Variants in ALDH18A1 observed in about 807,000 individuals in gnomAD.
The protein encoded by ALDH18A1 is delta-1-pyrroline-5-carboxylate synthase.
A neutral mutation model predicts 88.8 loss-of-function variants in ALDH18A1; 44 were observed. That is an observed-to-expected ratio of 0.50 (90% CI 0.39 to 0.64). The LOEUF is 0.64. ALDH18A1 is among the 30% of genes least tolerant of loss of function. The pLI is 0.00. For synonymous variants in ALDH18A1, 331 were observed against 372.1 expected (o/e 0.89, Z 1.27); for missense variants, 782 against 1,009.5 (o/e 0.77, Z 3.05).
Position 95,616,597 on chromosome 10 carries a change from G to T in ALDH18A1, c.1485C>A (p.Ile495=), listed in dbSNP as rs777125038. The T allele has an allele frequency of 6.2e-6, 10 of 1,606,850 alleles. No homozygotes were observed. Among genetic ancestry groups the T allele is most frequent in the Non-Finnish European group, 8.5e-6 (10 of 1,176,824 alleles). Residue 495 remains isoleucine (I), a synonymous_variant, in exon 13 of 18, where the codon ATC becomes ATA. Transcript: ENST00000371224. Reference sequence around the variant, plus strand: ...TGAGTAACAAGCCATTGCCACTTGCGATAGCCAAAGCTGCCACCTGCAGAT... The same window carrying T: ...TGAGTAACAAGCCATTGCCACTTGCTATAGCCAAAGCTGCCACCTGCAGAT... ...DCLPQVAALA[I]ASGNGLLLKG...
At position 95,623,415 on chromosome 10, in the gene ALDH18A1, C is replaced by CT. The variant is rs1287365163; in HGVS notation, c.1246+1946dup. On this transcript the variant is annotated intron_variant, in intron 11 of 17. Coordinates refer to ENST00000371224, the MANE Select transcript of ALDH18A1 (RefSeq NM_002860.4). ...GAGCTATTTTCTTTTCTTTCTTTTTCTTTTTTTTTTGAGATGAAGTCTTGC... is the reference window on the plus strand; with the variant it reads ...GAGCTATTTTCTTTTCTTTCTTTTTCTTTTTTTTTTTGAGATGAAGTCTTGC... Among the ~76,000 whole-genome samples the CT allele has an allele frequency of 1.2e-3, 166 of 139,946 alleles. 1 individual carries two copies. The highest frequency in any genetic ancestry group is 3.6e-3 in the African/African-American group (139 of 38,498). The allele number at this position is 139,946 out of a possible 152,430, so 91.8% of individuals were successfully genotyped here.
At chr10:95,642,955 A>T (rs1315919689) in intron 3 of ALDH18A1, 37 bp downstream of exon 3, 1 of 1,608,948 alleles carries the variant, frequency 6.2e-7, no homozygotes, top group Non-Finnish European at 8.5e-7. Flanking sequence ...TTAAAAACCC[A>T]ATTTTAGTAC....
chr10:95,620,985 C>A (rs752738238), intron 12 of ALDH18A1, 46 bp downstream of exon 12: 9 of 1,568,594 alleles, frequency 5.7e-6, no homozygotes, highest in Non-Finnish European at 4.4e-6. Flanking sequence ...ATATCCACAC[C>A]AGCCCCCAAT....
chr10:95,648,392 A>G (rs1432826639), intron 2 of ALDH18A1, among the ~76,000 whole-genome samples: 2 of 152,064 alleles, frequency 1.3e-5, no homozygotes, highest in African/African-American at 2.4e-5. Flanking sequence ...ATTAAGCCTC[A>G]TAAGTTAGGT....
At chr10:95,638,000 C>T (rs2097884310) in intron 3 of ALDH18A1, among the ~76,000 whole-genome samples, 2 of 114,224 alleles carry the variant, frequency 1.8e-5, no homozygotes, top group East Asian at 4.0e-4. Context: ...ACAACAACAA[C>T]AACAACAACA....
At chr10:95,655,100 TG>T (rs1320169686) in intron 1 of ALDH18A1, among the ~76,000 whole-genome samples, 1 of 150,170 alleles carries the variant, frequency 6.7e-6, no homozygotes, top group Non-Finnish European at 1.5e-5. Context: ...ACTTGCTGTG[TG>T]TCTTGTGGAG....
intron 7 of ALDH18A1, 92 bp downstream of exon 7, chr10:95,632,867 A>T: frequency 9.0e-7 from 1 of 1,106,052 alleles, no homozygotes; most frequent in Non-Finnish European, 1.4e-6. Context: ...AAAAAACATC[A>T]GAGGGACTCA....
At chr10:95,652,169 C>T (rs189832935) in intron 2 of ALDH18A1, among the ~76,000 whole-genome samples, 1 of 152,008 alleles carries the variant, frequency 6.6e-6, no homozygotes. Flanking sequence ...TTTATAAGGA[C>T]AAAATTATAA....
intron 12 of ALDH18A1, among the ~76,000 whole-genome samples, chr10:95,617,117 G>A (rs1179281639): frequency 1.3e-5 from 2 of 152,196 alleles, no homozygotes; most frequent in East Asian, 3.8e-4. Context: ...CATGGTGGCA[G>A]GTGCCTGTAG....
At chr10:95,621,321 T>C (rs942316904) in intron 11 of ALDH18A1, 70 bp from the exon 12 acceptor site, 27 of 234,296 alleles carry the variant, frequency 1.2e-4, no homozygotes, top group Admixed American at 6.0e-4. Context: ...CCGATGTGTC[T>C]TTTTTTTTTT....
At chr10:95,621,320 CTTTTTTT>C in intron 11 of ALDH18A1, 69 bp from the exon 12 acceptor site, 5 of 966,728 alleles carry the variant, frequency 5.2e-6, no homozygotes, top group Non-Finnish European at 6.0e-6. Flanking sequence ...ACCGATGTGT[CTTTTTTT>C]TTTTTTTTTT....
At position 95,621,034 on chromosome 10, in the gene ALDH18A1, G is replaced by C. The variant is rs922059612; in HGVS notation, c.1464C>G (p.Pro488=). ...VIFESRPDCL[P]QVAALAIASG... Reference sequence around the variant, plus strand: ...TTCTCCCGGGGTATATACACACCTGGGGTAGACAGTCAGGACGAGATTCAA... The same window carrying C: ...TTCTCCCGGGGTATATACACACCTGCGGTAGACAGTCAGGACGAGATTCAA... Residue 488 remains proline, a synonymous_variant, in exon 12 of 18, where the codon CCC becomes CCG. Coordinates refer to ENST00000371224, the MANE Select transcript of ALDH18A1 (RefSeq NM_002860.4). 3 of 1,613,872 alleles carry C rather than the reference G, an allele frequency of 1.9e-6. No homozygotes were observed. The highest frequency in any genetic ancestry group is 1.7e-6 in the Non-Finnish European group (2 of 1,179,964).
At chr10:95,636,595 A>G (rs966315792) in intron 5 of ALDH18A1, among the ~76,000 whole-genome samples, 5 of 152,238 alleles carry the variant, frequency 3.3e-5, no homozygotes, top group African/African-American at 1.2e-4. Context: ...TAGGTGCTCA[A>G]TAAATATTTG....
At chr10:95,639,582 T>C (rs994385827) in intron 3 of ALDH18A1, among the ~76,000 whole-genome samples, 6 of 151,276 alleles carry the variant, frequency 4.0e-5, no homozygotes, top group Non-Finnish European at 8.8e-5. Flanking sequence ...TTATATATAA[T>C]ATATAATTAT....
chr10:95,621,282 T>A (rs1460349154), intron 11 of ALDH18A1, 31 bp from the exon 12 acceptor site: 1 of 1,579,684 alleles, frequency 6.3e-7, no homozygotes, highest in East Asian at 2.3e-5. Flanking sequence ...TATGATAAAG[T>A]AGCAGACCTG....
chr10:95,606,844 T>C lies in ALDH18A1; in HGVS notation c.2306A>G (p.His769Arg). Residue 769 changes from histidine (H) to arginine (R), a missense_variant, in exon 18 of 18, where the codon CAC becomes CGC. Transcript: ENST00000371224. ...TTKWLLRGKD[H>R]VVSDFSEHGS... ...ATGCTCTGAGAAATCTGAGACCACG[T>C]GGTCCTTCCCTCGCAGCAGCCACTT... 1 of 1,614,222 alleles carries C rather than the reference T, an allele frequency of 6.2e-7. No individual in the cohort carries two copies. Among genetic ancestry groups the C allele is most frequent in the Non-Finnish European group, 8.5e-7 (1 of 1,180,032 alleles).
intron 2 of ALDH18A1, among the ~76,000 whole-genome samples, chr10:95,650,295 A>G (rs2097908400): frequency 1.3e-5 from 2 of 152,226 alleles, no homozygotes; most frequent in South Asian, 4.1e-4. Context: ...ATGACAAGCT[A>G]TGAGACTGGG....
Position 95,611,160 on chromosome 10 carries a change from A to G in ALDH18A1, c.2110+96T>C, listed in dbSNP as rs1490849291. 3 of 1,439,698 alleles carry G rather than the reference A, an allele frequency of 2.1e-6. No homozygotes were observed. In the East Asian group the frequency reaches 6.8e-5, roughly 33 times the overall value. The allele number at this position is 1,439,698 out of a possible 1,614,324, so 89.2% of individuals were successfully genotyped here. ...CTAAACATTACCATAAGCCTACTCA[A>G]ATGATGTTTTTCTGCAGCCCAAGGG... is the stretch of plus-strand genomic sequence containing the variant. On this transcript the variant is annotated intron_variant, in intron 16 of 17. Transcript: ENST00000371224.
intron 5 of ALDH18A1, among the ~76,000 whole-genome samples, chr10:95,634,653 G>A (rs2097877271): frequency 6.6e-6 from 1 of 152,230 alleles, no homozygotes; most frequent in Non-Finnish European, 1.5e-5. Context: ...AACACAACTT[G>A]GTTCAAGGGA....
Sources: gnomAD v4.1 joint callset for allele counts (sites outside exome capture counted in the v4.1 genomes callset) on GRCh38, gnomAD v4.1.1 for gene constraint, MANE v1.5 for transcripts, NCBI Gene and HGNC (gene_info 2026-07-23, HGNC 2026-07-21) for gene names.